MTA3: variants seen among roughly 807,000 people sequenced by gnomAD.
MTA3 encodes metastasis associated 1 family member 3.
A neutral mutation model predicts 83.5 loss-of-function variants in MTA3; 34 were observed. The observed-to-expected ratio is 0.41, with a 90% confidence interval of 0.31 to 0.54. MTA3 has a LOEUF of 0.54. MTA3 is among the 20% of genes least tolerant of loss of function. The pLI is 0.33. For missense variants in MTA3, 761 were observed against 726.4 expected (o/e 1.05, Z -0.55); for synonymous variants, 303 against 252.7 (o/e 1.20, Z -1.89).
chr2:42,544,819 A>C (rs532642962), intron 2 of MTA3, among the ~76,000 whole-genome samples: 1 of 152,282 alleles, frequency 6.6e-6, no homozygotes, highest in Non-Finnish European at 1.5e-5. Context: ...CTCGTGCTAT[A>C]TGGCTTTCAG....
upstream of MTA3, among the ~76,000 whole-genome samples, chr2:42,566,594 G>T (rs1677919708): frequency 6.6e-6 from 1 of 152,174 alleles, no homozygotes; most frequent in South Asian, 2.1e-4. Flanking sequence ...CTGTTCCTAA[G>T]GGGACATAGG....
chr2:42,723,356 T>G, intron 16 of MTA3: 1 of 240,772 alleles, frequency 4.2e-6, no homozygotes, highest in South Asian at 8.1e-5. Context: ...TAAGTTTTCT[T>G]GAGCAGAAGG....
At chr2:42,590,806 A>G (rs1207945639) in intron 3 of MTA3, among the ~76,000 whole-genome samples, 3 of 151,844 alleles carry the variant, frequency 2.0e-5, no homozygotes, top group Non-Finnish European at 4.4e-5. Context: ...TTCTTAGTAG[A>G]GGCAGGGTTT....
chr2:42,634,252 G>GC (rs1686974170), intron 4 of MTA3, among the ~76,000 whole-genome samples: 5 of 152,196 alleles, frequency 3.3e-5, no homozygotes, highest in African/African-American at 1.2e-4. Flanking sequence ...TGGTAGTCAT[G>GC]GAAATTTATG....
chr2:42,629,930 C>A (rs989715656), intron 4 of MTA3, among the ~76,000 whole-genome samples: 1 of 152,196 alleles, frequency 6.6e-6, no homozygotes, highest in East Asian at 1.9e-4. Flanking sequence ...AGCGGCCTGT[C>A]ACCACACCCG....
chr2:42,672,846 CTTTTTT>C (rs70963344), intron 8 of MTA3, among the ~76,000 whole-genome samples: 2 of 114,358 alleles, frequency 1.7e-5, no homozygotes, highest in Admixed American at 1.9e-4. Flanking sequence ...GTATAAAAAG[CTTTTTT>C]TTTTTTTTTT....
At chr2:42,674,964 T>G (rs1201319565) in intron 8 of MTA3, among the ~76,000 whole-genome samples, 1 of 151,694 alleles carries the variant, frequency 6.6e-6, no homozygotes, top group Non-Finnish European at 1.5e-5. Flanking sequence ...TAATTAAAAT[T>G]TTTTAATTAA....
In MTA3 at chr2:42,659,862, G is replaced by T; in HGVS notation, c.702G>T (p.Leu234Phe). Residue 234 changes from leucine (L) to phenylalanine (F), a missense_variant and splice_region_variant, in exon 8 of 17, where the codon TTG (leucine) becomes TTT (phenylalanine). Physicochemically the swap from Leu to Phe is conservative, Grantham distance 22. Transcript: ENST00000405094. ...SAAAASRDITLFHAMDTLYRH... is the reference protein window; with the variant it reads ...SAAAASRDITFFHAMDTLYRH... ...CTGCAGCTTCCCGAGACATCACCTT[G>T]GTAAGACATGGTTTGAAATTTTGTG... 1 of 1,591,410 alleles carries T rather than the reference G, an allele frequency of 6.3e-7. No individual in the cohort carries two copies. Among genetic ancestry groups the T allele is most frequent in the South Asian group, 1.2e-5 (1 of 86,858 alleles).
intron 6 of MTA3, among the ~76,000 whole-genome samples, chr2:42,648,979 T>C (rs1688455251): frequency 6.6e-6 from 1 of 152,218 alleles, no homozygotes; most frequent in Non-Finnish European, 1.5e-5. Flanking sequence ...AAACAGGGAA[T>C]GATAGTGTAT....
chr2:42,685,396 C>G (rs1692279953), intron 9 of MTA3, among the ~76,000 whole-genome samples: 1 of 152,110 alleles, frequency 6.6e-6, no homozygotes. Flanking sequence ...AAGATTGTGA[C>G]TTTGAAAGTC....
intron 2 of MTA3, among the ~76,000 whole-genome samples, chr2:42,561,608 C>T (rs1027512487): frequency 6.6e-6 from 1 of 152,148 alleles, no homozygotes; most frequent in African/African-American, 2.4e-5. Flanking sequence ...CAGGCGTGAG[C>T]CACCGAGCCC....
intron 16 of MTA3, among the ~76,000 whole-genome samples, chr2:42,742,726 A>C (rs1485376012): frequency 1.3e-5 from 2 of 152,226 alleles, no homozygotes; most frequent in East Asian, 3.8e-4. Flanking sequence ...TGACTTAAAG[A>C]ATAGCTTCTA....
At chr2:42,684,529 G>A (rs1440014646) in intron 9 of MTA3, among the ~76,000 whole-genome samples, 1 of 152,190 alleles carries the variant, frequency 6.6e-6, no homozygotes, top group Non-Finnish European at 1.5e-5. Flanking sequence ...TTTAGCTTCA[G>A]ATGGTCAGAA....
chr2:42,555,573 C>CCA (rs1430507765), intron 2 of MTA3, among the ~76,000 whole-genome samples: 3 of 146,870 alleles, frequency 2.0e-5, no homozygotes, highest in Non-Finnish European at 3.0e-5. Flanking sequence ...ATCCTGGCTA[C>CCA]CACAGTGAAA....
intron 4 of MTA3, among the ~76,000 whole-genome samples, chr2:42,624,083 G>A (rs1359283461): frequency 6.6e-6 from 1 of 152,106 alleles, no homozygotes; most frequent in Non-Finnish European, 1.5e-5. Context: ...CAGAAAGATG[G>A]TGATATCTAA....
chr2:42,750,561 A>C (rs970015782), intron 16 of MTA3, among the ~76,000 whole-genome samples: 6 of 152,194 alleles, frequency 3.9e-5, no homozygotes, highest in African/African-American at 1.4e-4. Flanking sequence ...GATAAATGCC[A>C]GTTTCTTTCG....
chr2:42,550,800 G>C lies in MTA3; in HGVS notation c.-140-19637G>C, dbSNP rs550540083. Among the ~76,000 whole-genome samples, 14 of 152,258 alleles carry C rather than the reference G, an allele frequency of 9.2e-5. No homozygotes were observed. In the East Asian group the frequency reaches 1.7e-3, roughly 19 times the overall value. On this transcript the variant is annotated intron_variant, in intron 2 of 17. Coordinates refer to the MTA3 transcript ENST00000405592. ...CTCATGCCTGTAATCCCAGCACTTTGGGAGGCCAAGGTGGGTGGATCAACT... is the reference window on the plus strand; with the variant it reads ...CTCATGCCTGTAATCCCAGCACTTTCGGAGGCCAAGGTGGGTGGATCAACT...
At chr2:42,590,011 G>T (rs946488178) in intron 3 of MTA3, among the ~76,000 whole-genome samples, 1 of 152,168 alleles carries the variant, frequency 6.6e-6, no homozygotes, top group Non-Finnish European at 1.5e-5. Context: ...TCAGTCTGAT[G>T]CCTTGAGCTT....
intron 2 of MTA3, among the ~76,000 whole-genome samples, chr2:42,575,246 C>T (rs1678913971): frequency 6.6e-6 from 1 of 152,094 alleles, no homozygotes; most frequent in African/African-American, 2.4e-5. Flanking sequence ...CTCTTTTTTC[C>T]ATATCATTTA....
Sources: allele counts gnomAD v4.1 joint callset (sites outside exome capture counted in the v4.1 genomes callset), GRCh38; gene constraint gnomAD v4.1.1; transcripts MANE v1.5; gene names NCBI Gene and HGNC (gene_info 2026-07-23, HGNC 2026-07-21).